Variants in MED1 observed in about 807,000 individuals in gnomAD.
MED1 encodes the protein mediator of RNA polymerase II transcription subunit 1.
In MED1, 17 loss-of-function variants were observed where a neutral mutation model predicts 121.3. That is an observed-to-expected ratio of 0.14 (90% confidence interval 0.10 to 0.21). The LOEUF (loss-of-function observed/expected upper bound fraction) is 0.21. MED1 is among the 10% of genes least tolerant of loss of function. The pLI, the probability that MED1 is intolerant of heterozygous loss-of-function variation, is 1.00. For missense variants in MED1, 1,558 were observed against 1,919.4 expected, an observed-to-expected ratio of 0.81 and a Z score of 3.52; for synonymous variants, 661 against 694.4, an observed-to-expected ratio of 0.95 and a Z score of 0.76.
rs554002447 is a variant in MED1 at position 39,427,129 on chromosome 17, A to T, written c.739+572T>A. On this transcript the variant is annotated intron_variant, in intron 10 of 16. Transcript: ENST00000300651. Reference sequence around the variant, plus strand: ...ATGAGTAAGCTGATTATCTCAGGTCAGATCGTTTATATCTCTTCTTATGAG... The same window carrying T: ...ATGAGTAAGCTGATTATCTCAGGTCTGATCGTTTATATCTCTTCTTATGAG... 8.2e-4 allele frequency among the ~76,000 whole-genome samples: 125 copies of T among 152,234 alleles called. 1 individual carries two copies. The highest frequency in any genetic ancestry group is 2.7e-3 in the African/African-American group (112 of 41,550).
chr17:39,420,195 CTCT>C (rs1396479764), intron 13 of MED1, among the ~76,000 whole-genome samples: 5 of 148,660 alleles, frequency 3.4e-5, no homozygotes, highest in African/African-American at 1.2e-4. Flanking sequence ...AATGCAAAAT[CTCT>C]TTTTTTTTTT....
Position 39,440,531 on chromosome 17 carries a change from A to G in MED1, c.267-13T>C. 1 of 1,611,998 alleles carries G rather than the reference A, an allele frequency of 6.2e-7. No individual in the cohort carries two copies. Among genetic ancestry groups the G allele is most frequent in the Non-Finnish European group, 8.5e-7 (1 of 1,179,608 alleles). Reference sequence around the variant, plus strand: ...ATGAGAGCCCAGTCTAGCAGGAACAAATCAAAACAAAAATTAATAGAAGAC... The same window carrying G: ...ATGAGAGCCCAGTCTAGCAGGAACAGATCAAAACAAAAATTAATAGAAGAC... On this transcript the variant is annotated splice_polypyrimidine_tract_variant and intron_variant, in intron 4 of 16. Transcript: ENST00000300651. This position sits in a 1 kb window ranked among gnomAD's most constrained non-coding sequence, Gnocchi z 4.1.
rs2144709152 is a variant in MED1 at position 39,406,355 on chromosome 17, G to GA, written c.*1119dup. 1 of 985,536 alleles carries GA rather than the reference G, an allele frequency of 1.0e-6. No homozygotes were observed. Among genetic ancestry groups the GA allele is most frequent in the South Asian group, 4.7e-5 (1 of 21,288 alleles). The allele number at this position is 985,536 out of a possible 1,614,324, so 61.0% of individuals were successfully genotyped here. A position where few individuals can be genotyped will look rare whatever the true frequency, so the allele number is the denominator to read the frequency against. On this transcript the variant is annotated 3_prime_UTR_variant, in exon 17 of 17. Coordinates refer to ENST00000300651, the MANE Select transcript of MED1 (RefSeq NM_004774.4). ...AGTTTGGACTCCTTCTCCTTGTGATGAAGAGAAACAGTGAGTCCAGCTCTT... is the reference window on the plus strand; with the variant it reads ...AGTTTGGACTCCTTCTCCTTGTGATGAAAGAGAAACAGTGAGTCCAGCTCTT...
At position 39,405,215 on chromosome 17, in the gene MED1, A is replaced by T. The variant is rs1288293781; in HGVS notation, c.*2260T>A. The T allele has an allele frequency of 6.4e-7, 1 of 1,571,186 alleles. No homozygotes were observed. Among genetic ancestry groups the T allele is most frequent in the Non-Finnish European group, 8.6e-7 (1 of 1,157,670 alleles). On this transcript the variant is annotated 3_prime_UTR_variant, in exon 17 of 17. Coordinates refer to ENST00000300651, the MANE Select transcript of MED1 (RefSeq NM_004774.4). ...AGCAGTTTAGCCCCGGCTCCCTGTT[A>T]AGCAAGTTCAGATGCTGGGTCAGTG...
intron 1 of MED1, among the ~76,000 whole-genome samples, chr17:39,449,708 C>T (rs1468567318): frequency 1.3e-5 from 2 of 151,094 alleles, no homozygotes; most frequent in Admixed American, 1.3e-4. Context: ...AAGGGTTTCA[C>T]CATGTTAGCC....
Position 39,410,502 on chromosome 17 carries a change from G to A in MED1, c.1719C>T (p.Thr573=), listed in dbSNP as rs1475615459. 13 of 1,614,054 alleles carry A rather than the reference G, an allele frequency of 8.1e-6. No individual in the cohort carries two copies. The highest frequency in any genetic ancestry group is 1.1e-5 in the South Asian group (1 of 91,056). The change falls in exon 17 of 17, where the codon ACC becomes ACT. Residue 573 remains threonine (T), a synonymous_variant. Transcript: ENST00000300651. ...PTNTFPGGPI[T]TLFNMSMSIK... ...TGCTCATGCTCATATTAAACAAGGT[G>A]GTAATGGGACCCCCCGGAAAGGTGT... is the stretch of plus-strand genomic sequence containing the variant.
intron 6 of MED1, among the ~76,000 whole-genome samples, chr17:39,435,125 G>A (rs201667130): frequency 2.0e-5 from 3 of 152,068 alleles, no homozygotes; most frequent in South Asian, 2.1e-4. Context: ...CCGAGATCGC[G>A]CCACTGCACT....
At chr17:39,418,085 CAAAAA>C (rs760116991) in intron 14 of MED1, among the ~76,000 whole-genome samples, 1 of 55,638 alleles carries the variant, frequency 1.8e-5, no homozygotes, top group African/African-American at 7.6e-5. Context: ...GACTCCGTCT[CAAAAA>C]AAAAAAAAAA....
Position 39,450,200 on chromosome 17 carries a change from G to A in MED1, c.25+838C>T, listed in dbSNP as rs7342932. On this transcript the variant is annotated intron_variant, in intron 1 of 16. Transcript: ENST00000300651. ...CCTGGGCTCCAGGGATCCTCCAGCC[G>A]CAGCCTCCCAAAGCGCTGGGATTAC... Among the ~76,000 whole-genome samples the A allele has an allele frequency of 9.3e-3, 1,407 of 151,318 alleles. 18 individuals carry two copies. Among genetic ancestry groups the A allele is most frequent in the African/African-American group, 0.032 (1,331 of 41,264 alleles).
intron 2 of MED1, among the ~76,000 whole-genome samples, chr17:39,446,616 T>C (rs1323122789): frequency 6.6e-6 from 1 of 150,748 alleles, no homozygotes; most frequent in Non-Finnish European, 1.5e-5. Context: ...TCTACTAAAA[T>C]ACAAAAAATT....
In MED1 at chr17:39,407,400, C is replaced by T; in HGVS notation, c.*75G>A. On this transcript the variant is annotated 3_prime_UTR_variant, in exon 17 of 17. Coordinates refer to ENST00000300651, the MANE Select transcript of MED1 (RefSeq NM_004774.4). ...CAAATCAGACCTGTCTGACTCACCC[C>T]TTATGGTGGTTTGCCTATAAACTTA... 1.3e-6 allele frequency: 2 copies of T among 1,492,048 alleles called. No individual in the cohort carries two copies. Among genetic ancestry groups the T allele is most frequent in the Non-Finnish European group, 1.8e-6 (2 of 1,123,512 alleles). 92.4% of individuals were successfully genotyped at this position (1,492,048 alleles called of 1,614,324 possible).
intron 2 of MED1, among the ~76,000 whole-genome samples, chr17:39,447,379 G>A (rs536455114): frequency 1.1e-4 from 15 of 135,486 alleles, no homozygotes; most frequent in Admixed American, 3.2e-4. Flanking sequence ...CAACAAGAGT[G>A]AAACTCCGTC....
At chr17:39,428,162 A>G (rs1313548567) in intron 9 of MED1, among the ~76,000 whole-genome samples, 1 of 152,142 alleles carries the variant, frequency 6.6e-6, no homozygotes, top group Non-Finnish European at 1.5e-5. Context: ...CAGCCTGGCC[A>G]ACATGGTGAA....
Position 39,440,363 on chromosome 17 carries a change from A to T in MED1, c.399+23T>A. 1 of 1,538,286 alleles carries T rather than the reference A, an allele frequency of 6.5e-7. No individual in the cohort carries two copies. The highest frequency in any genetic ancestry group is 8.7e-7 in the Non-Finnish European group (1 of 1,150,768). On this transcript the variant is annotated intron_variant, in intron 5 of 16. Transcript: ENST00000300651. The surrounding 1 kb of genome is among the most constrained non-coding windows in gnomAD (Gnocchi z 4.1). ...TCCCTAAGTAAACCCCACAGATTCC[A>T]GTGAAATATCAACAACACATACCAC...
At chr17:39,449,976 G>A (rs1182931624) in intron 1 of MED1, among the ~76,000 whole-genome samples, 8 of 151,326 alleles carry the variant, frequency 5.3e-5, no homozygotes, top group South Asian at 4.2e-4. Context: ...CACCACGCCC[G>A]GCTAATTTTG....
chr17:39,408,474 T>G lies in MED1; in HGVS notation c.3747A>C (p.Leu1249Phe). 6.2e-7 allele frequency: 1 copy of G among 1,614,190 alleles called. No individual in the cohort carries two copies. Among genetic ancestry groups the G allele is most frequent in the Non-Finnish European group, 8.5e-7 (1 of 1,180,036 alleles). ...TCTGGGACAACGAGCCTGAGGATCC[T>G]AACCCTGAAGATGACTTCATGCCAG... Reference protein sequence around the residue: ...SSSGMKSSSGLGSSGSLSQKT... With the variant: ...SSSGMKSSSGFGSSGSLSQKT... Residue 1249 changes from leucine (L) to phenylalanine (F), a missense_variant, in exon 17 of 17, where the codon TTA becomes TTC. Leu to Phe is a conservative substitution (Grantham distance 22). Around this residue, in one of 5 missense-constraint regions of MED1, gnomAD observed 793 missense variants for 898.2 expected, o/e 0.88. Coordinates refer to ENST00000300651, the MANE Select transcript of MED1 (RefSeq NM_004774.4). This position sits in a 1 kb window ranked among gnomAD's most constrained non-coding sequence, Gnocchi z 4.7.
rs530372901 is a variant in MED1 at position 39,420,282 on chromosome 17, C to A, written c.1096-364G>T. ...TGGTGCGATCTCGGCTCACTGCAAG[C>A]TCCGCCTCCCGAGTTCATGCCATTC... On this transcript the variant is annotated intron_variant, in intron 13 of 16. Coordinates refer to ENST00000300651, the MANE Select transcript of MED1 (RefSeq NM_004774.4). Among the ~76,000 whole-genome samples, 61 of 150,218 alleles carry A rather than the reference C, an allele frequency of 4.1e-4. 1 individual carries two copies. Among genetic ancestry groups the A allele is most frequent in the African/African-American group, 1.5e-3 (60 of 40,758 alleles).
Position 39,405,784 on chromosome 17 carries a change from A to G in MED1, c.*1691T>C. ...CACTAGAGGAAATGAGACAGGAAAG[A>G]AAGCCAAAGCTGATTTTCCAACTCT... On this transcript the variant is annotated 3_prime_UTR_variant, in exon 17 of 17. Coordinates refer to ENST00000300651, the MANE Select transcript of MED1 (RefSeq NM_004774.4). 1.0e-6 allele frequency: 1 copy of G among 986,398 alleles called. No individual in the cohort carries two copies. Among genetic ancestry groups the G allele is most frequent in the Non-Finnish European group, 1.2e-6 (1 of 830,478 alleles). 61.1% of individuals were successfully genotyped at this position (986,398 alleles called of 1,614,324 possible). A position where few individuals can be genotyped will look rare whatever the true frequency, so the allele number is the denominator to read the frequency against.
rs932354612 is a variant in MED1, at chr17:39,440,274, G to A, written c.399+112C>T. ...TGTAGCCCATCACATCATCTCTACA[G>A]TGGCTCATGGAAAAACCTAAACCCA... On this transcript the variant is annotated intron_variant, in intron 5 of 16. Transcript: ENST00000300651. This position sits in a 1 kb window ranked among gnomAD's most constrained non-coding sequence, Gnocchi z 4.1. 2.7e-6 allele frequency: 3 copies of A among 1,102,138 alleles called. No homozygotes were observed. The East Asian group carries it at 7.7e-5, about 28-fold the overall frequency. 68.3% of individuals were successfully genotyped at this position (1,102,138 alleles called of 1,614,324 possible).
Sources: gnomAD v4.1 joint callset for allele counts (sites outside exome capture counted in the v4.1 genomes callset) on GRCh38, gnomAD v4.1.1 for gene constraint, gnomAD v4.1.1 regional missense constraint, Gnocchi (gnomAD v3.1) non-coding constraint, MANE v1.5 for transcripts, NCBI Gene and HGNC (gene_info 2026-07-23, HGNC 2026-07-21) for gene names.